STMN1: variants seen among roughly 807,000 people sequenced by gnomAD.
STMN1 encodes stathmin 1.
A neutral mutation model predicts 19.7 loss-of-function variants in STMN1; 3 were observed. The observed-to-expected ratio is 0.15, with a 90% CI of 0.07 to 0.39. The LOEUF (loss-of-function observed/expected upper bound fraction) is 0.39, where lower values mean the gene tolerates loss of function less well. STMN1 is among the 10% of genes least tolerant of loss of function. The probability of loss-of-function intolerance (pLI) is 1.00; values close to 1 mark genes in which losing one functional copy is unlikely to be tolerated. For synonymous variants in STMN1, 59 were observed against 58.9 expected, an observed-to-expected ratio of 1.00 and a Z score of -0.01; for missense variants, 99 against 176.0, an observed-to-expected ratio of 0.56 and a Z score of 2.48.
downstream of STMN1, among the ~76,000 whole-genome samples, chr1:25,896,681 A>G (rs939871439): frequency 1.3e-5 from 2 of 152,114 alleles, no homozygotes; most frequent in African/African-American, 4.8e-5. Flanking sequence ...AAACCCTACA[A>G]CTAAGTTTTA....
At chr1:25,899,900 C>T (rs1335074714), downstream of STMN1, among the ~76,000 whole-genome samples, 1 of 152,104 alleles carries the variant, frequency 6.6e-6, no homozygotes, top group Non-Finnish European at 1.5e-5. Flanking sequence ...AGCTTTTATA[C>T]AGATGTCTGA....
At chr1:25,888,671 T>G (rs1230458114) in intron 4 of STMN1, among the ~76,000 whole-genome samples, 1 of 152,104 alleles carries the variant, frequency 6.6e-6, no homozygotes, top group Non-Finnish European at 1.5e-5. Flanking sequence ...TCAAAAACAG[T>G]GGCTTAAACA....
chr1:25,901,613 C>T lies in STMN1; in HGVS notation c.256G>A (p.Ala86Thr), dbSNP rs1264115506. The T allele has an allele frequency of 6.2e-7, 1 of 1,614,032 alleles. No individual in the cohort carries two copies. Among genetic ancestry groups the T allele is most frequent in the Admixed American group, 1.7e-5 (1 of 60,002 alleles). The change falls in exon 4 of 5, where the codon GCA becomes ACA. Residue 86 changes from alanine (A) to threonine (T), a missense_variant. By Grantham distance (58) the Ala-to-Thr change is moderately conservative. Transcript: ENST00000455785. ...CTGAAGTTGTTGTTCTCTTCTATTG[C>T]CTTCTGAAGCACTTCTTTCTCGTGC... ...REHEKEVLQK[A>T]IEENNNFSKM...
At chr1:25,891,589 A>C (rs1221355264) in intron 4 of STMN1, among the ~76,000 whole-genome samples, 1 of 152,118 alleles carries the variant, frequency 6.6e-6, no homozygotes, top group East Asian at 1.9e-4. Context: ...CTCAAAATGG[A>C]CTTCTGAGTT....
At chr1:25,892,321 G>A (rs926514097) in intron 4 of STMN1, among the ~76,000 whole-genome samples, 2 of 151,996 alleles carry the variant, frequency 1.3e-5, no homozygotes, top group Non-Finnish European at 2.9e-5. Flanking sequence ...CCCAGGAGGC[G>A]GAGGTTGCAG....
intron 2 of STMN1, 83 bp from the exon 3 acceptor site, chr1:25,903,896 T>A: frequency 1.4e-6 from 2 of 1,401,626 alleles, no homozygotes; most frequent in Non-Finnish European, 1.9e-6. Context: ...AAAACCCAAA[T>A]CAATTTAATG....
At chr1:25,890,228 G>A (rs189368998) in intron 4 of STMN1, among the ~76,000 whole-genome samples, 10 of 152,288 alleles carry the variant, frequency 6.6e-5, no homozygotes, top group African/African-American at 2.4e-4. Flanking sequence ...GGAGCTTGGG[G>A]AAGGGGACGC....
intron 1 of STMN1, 144 bp from the exon 2 acceptor site, chr1:25,904,882 A>G (rs540775180): frequency 7.3e-5 from 36 of 492,536 alleles, no homozygotes; most frequent in African/African-American, 1.8e-4. Flanking sequence ...GAAAAAAATT[A>G]TCAAAATCTA....
chr1:25,888,274 C>T (rs2048742005), intron 4 of STMN1, among the ~76,000 whole-genome samples: 1 of 152,140 alleles, frequency 6.6e-6, no homozygotes, highest in African/African-American at 2.4e-5. Flanking sequence ...TGGGAATAGA[C>T]ATGCCATGCC....
exon 5 of STMN1, chr1:25,885,624 A>G: frequency 1.4e-6 from 2 of 1,417,450 alleles, no homozygotes; most frequent in East Asian, 2.6e-5. Context: ...CCTGACCCCA[A>G]AGGCTTTTTC....
rs2048862638 is a variant in STMN1 at position 25,900,743 on chromosome 1, C to T, written c.*273G>A. Reference sequence around the variant, plus strand: ...AGCCAATACAGTACTAGCCATTAACCCAGTACACCAAGTGTACTGAAGTAG... The same window carrying T: ...AGCCAATACAGTACTAGCCATTAACTCAGTACACCAAGTGTACTGAAGTAG... On this transcript the variant is annotated 3_prime_UTR_variant, in exon 5 of 5. Transcript: ENST00000455785. 2 of 1,256,266 alleles carry T rather than the reference C, an allele frequency of 1.6e-6. No homozygotes were observed. Among genetic ancestry groups the T allele is most frequent in the East Asian group, 7.1e-5 (2 of 28,148 alleles). 77.8% of individuals were successfully genotyped at this position (1,256,266 alleles called of 1,614,324 possible).
chr1:25,888,409 C>A (rs925735294), intron 4 of STMN1, among the ~76,000 whole-genome samples: 1 of 152,138 alleles, frequency 6.6e-6, no homozygotes, highest in Non-Finnish European at 1.5e-5. Flanking sequence ...GGGTGAGAAT[C>A]CTTGCTTTAT....
At chr1:25,898,336 A>G (rs1230481432), downstream of STMN1, among the ~76,000 whole-genome samples, 3 of 152,046 alleles carry the variant, frequency 2.0e-5, no homozygotes, top group African/African-American at 7.2e-5. Context: ...TCTCCTCTCA[A>G]AGCTTCCCAG....
downstream of STMN1, among the ~76,000 whole-genome samples, chr1:25,895,527 C>T (rs1042377521): frequency 6.6e-6 from 1 of 152,164 alleles, no homozygotes; most frequent in African/African-American, 2.4e-5. Context: ...CAGCGAAAGA[C>T]AGAAGTGGGT....
At chr1:25,888,228 T>G (rs1400260885) in intron 4 of STMN1, among the ~76,000 whole-genome samples, 2 of 152,204 alleles carry the variant, frequency 1.3e-5, no homozygotes, top group Non-Finnish European at 2.9e-5. Context: ...TTGACTATTT[T>G]GATTTGCTAA....
At chr1:25,895,723 AAC>A (rs2048813651), downstream of STMN1, among the ~76,000 whole-genome samples, 1 of 152,214 alleles carries the variant, frequency 6.6e-6, no homozygotes, top group Non-Finnish European at 1.5e-5. Flanking sequence ...AACAATTTAA[AAC>A]ACAGCATGGG....
chr1:25,887,990 T>G (rs533081424), intron 4 of STMN1, among the ~76,000 whole-genome samples: 7 of 152,126 alleles, frequency 4.6e-5, no homozygotes, highest in Admixed American at 4.6e-4. Context: ...CGGCCCTTGT[T>G]GTTGTTGTTG....
At chr1:25,887,358 C>T (rs1405601901) in intron 4 of STMN1, 6 of 253,146 alleles carry the variant, frequency 2.4e-5, no homozygotes, top group Admixed American at 2.1e-4. Flanking sequence ...CCCATAGTTA[C>T]GGTAAGTCTA....
downstream of STMN1, among the ~76,000 whole-genome samples, chr1:25,899,009 G>A (rs2048845289): frequency 6.6e-6 from 1 of 152,202 alleles, no homozygotes; most frequent in Non-Finnish European, 1.5e-5. Flanking sequence ...CAAAGGTCAA[G>A]GTGAAATAGA....
Sources: allele counts gnomAD v4.1 joint callset (sites outside exome capture counted in the v4.1 genomes callset), GRCh38; gene constraint gnomAD v4.1.1; transcripts MANE v1.5; gene names NCBI Gene and HGNC (gene_info 2026-07-23, HGNC 2026-07-21).